The following SLC14A2 variants were observed in gnomAD, a reference collection of about 807,000 sequenced individuals.
SLC14A2 encodes solute carrier family 14 member 2.
In SLC14A2, 91 loss-of-function variants were observed where a neutral mutation model predicts 104.6. The ratio of observed to expected loss-of-function variants is 0.87; its 90% confidence interval spans 0.73 to 1.04. SLC14A2 has a LOEUF of 1.04. SLC14A2 is among the 50% of genes least tolerant of loss of function. The pLI, the probability that SLC14A2 is intolerant of heterozygous loss-of-function variation, is 0.00. For missense variants in SLC14A2, 1,189 were observed against 1,156.0 expected, an observed-to-expected ratio of 1.03 and a Z score of -0.41; for synonymous variants, 476 against 466.4, an observed-to-expected ratio of 1.02 and a Z score of -0.27.
upstream of SLC14A2, among the ~76,000 whole-genome samples, chr18:45,208,854 A>G (rs1416436479): frequency 6.6e-6 from 1 of 152,044 alleles, no homozygotes; most frequent in East Asian, 1.9e-4. Flanking sequence ...ATATGGTAGT[A>G]TTATGGAATG....
At chr18:45,534,388 C>T (rs528952600) in intron 2 of SLC14A2, among the ~76,000 whole-genome samples, 19 of 152,196 alleles carry the variant, frequency 1.2e-4, no homozygotes, top group South Asian at 2.1e-4. Context: ...GGTACAGACG[C>T]GACATGCCTG....
At chr18:45,314,774 G>A (rs1471367542) in intron 1 of SLC14A2, among the ~76,000 whole-genome samples, 3 of 152,196 alleles carry the variant, frequency 2.0e-5, no homozygotes, top group Non-Finnish European at 4.4e-5. Context: ...GAAGTCTGGG[G>A]AAAATTAATA....
intron 6 of SLC14A2, among the ~76,000 whole-genome samples, chr18:45,638,446 T>A (rs2045461204): frequency 6.6e-6 from 1 of 152,080 alleles, no homozygotes; most frequent in Non-Finnish European, 1.5e-5. Flanking sequence ...AGTACAAAAT[T>A]TGGTCCAAAG....
chr18:45,578,886 C>G (rs2044451281), intron 2 of SLC14A2, among the ~76,000 whole-genome samples: 1 of 152,184 alleles, frequency 6.6e-6, no homozygotes, highest in Admixed American at 6.5e-5. Flanking sequence ...TGGGGGCTGG[C>G]TGGTCTAGGA....
At chr18:45,547,628 G>A (rs529559391) in intron 2 of SLC14A2, among the ~76,000 whole-genome samples, 1 of 152,282 alleles carries the variant, frequency 6.6e-6, no homozygotes, top group African/African-American at 2.4e-5. Context: ...ACCGCCTTGT[G>A]ATCTTGGGCT....
chr18:45,401,133 G>A (rs2086091476), intron 1 of SLC14A2, among the ~76,000 whole-genome samples: 1 of 152,100 alleles, frequency 6.6e-6, no homozygotes. Flanking sequence ...CCTCATTTCT[G>A]TTAGGTCTTC....
intron 1 of SLC14A2, among the ~76,000 whole-genome samples, chr18:45,394,068 C>A (rs1444316860): frequency 4.6e-5 from 7 of 152,202 alleles, no homozygotes; most frequent in African/African-American, 1.7e-4. Context: ...ATTTTATTTG[C>A]CCTCTTAAAG....
At chr18:45,226,297 G>C (rs1240666658) in intron 1 of SLC14A2, among the ~76,000 whole-genome samples, 1 of 152,140 alleles carries the variant, frequency 6.6e-6, no homozygotes, top group African/African-American at 2.4e-5. Flanking sequence ...AATACCATTT[G>C]ACCCAGCCAT....
chr18:45,209,809 T>C (rs768979508), upstream of SLC14A2, among the ~76,000 whole-genome samples: 1 of 152,254 alleles, frequency 6.6e-6, no homozygotes, highest in African/African-American at 2.4e-5. Context: ...TGCTCTCTTA[T>C]TGAGGCAATA....
chr18:45,214,775 C>A (rs2083993208), intron 1 of SLC14A2, among the ~76,000 whole-genome samples: 1 of 152,122 alleles, frequency 6.6e-6, no homozygotes, highest in South Asian at 2.1e-4. Context: ...GTGTCTATAA[C>A]ATGTCATCAT....
At chr18:45,522,359 G>A (rs772112787) in intron 2 of SLC14A2, among the ~76,000 whole-genome samples, 18 of 152,220 alleles carry the variant, frequency 1.2e-4, no homozygotes, top group Non-Finnish European at 2.1e-4. Context: ...TAATAAACTC[G>A]AGAAGGTAAC....
intron 16 of SLC14A2, among the ~76,000 whole-genome samples, chr18:45,671,775 A>G (rs1387521982): frequency 6.6e-6 from 1 of 152,184 alleles, no homozygotes; most frequent in East Asian, 1.9e-4. Flanking sequence ...AGAGTTCTCT[A>G]GAGAAGAGCG....
chr18:45,667,793 A>G (rs2144633777), intron 13 of SLC14A2, 40 bp from the exon 14 acceptor site: 1 of 1,572,744 alleles, frequency 6.4e-7, no homozygotes, highest in Non-Finnish European at 8.7e-7. Context: ...GGCTGCCCAC[A>G]CTGAGCACTT....
At chr18:45,367,680 G>A (rs940304456) in intron 1 of SLC14A2, among the ~76,000 whole-genome samples, 6 of 152,120 alleles carry the variant, frequency 3.9e-5, no homozygotes, top group Non-Finnish European at 1.5e-5. Flanking sequence ...CACATTGGTA[G>A]CTTAATATTG....
intron 1 of SLC14A2, among the ~76,000 whole-genome samples, chr18:45,285,192 A>T (rs1032675145): frequency 6.6e-6 from 1 of 152,146 alleles, no homozygotes. Flanking sequence ...ACTATAGAGG[A>T]TCTATATTGG....
At chr18:45,398,566 A>G (rs1002576197) in intron 1 of SLC14A2, among the ~76,000 whole-genome samples, 47 of 145,870 alleles carry the variant, frequency 3.2e-4, no homozygotes, top group African/African-American at 1.2e-3. Flanking sequence ...TGACAGATGA[A>G]TGGATAAACA....
intron 2 of SLC14A2, among the ~76,000 whole-genome samples, chr18:45,543,867 C>A (rs1020396888): frequency 2.0e-5 from 3 of 152,324 alleles, no homozygotes; most frequent in Non-Finnish European, 2.9e-5. Context: ...GTACAAACCA[C>A]GTGGTTTATG....
At chr18:45,388,629 C>T (rs1217841697) in intron 1 of SLC14A2, among the ~76,000 whole-genome samples, 3 of 152,130 alleles carry the variant, frequency 2.0e-5, no homozygotes, top group Admixed American at 6.5e-5. Flanking sequence ...TCCTTTCTCT[C>T]TGCCACCCGC....
intron 1 of SLC14A2, among the ~76,000 whole-genome samples, chr18:45,453,199 G>A (rs1386065648): frequency 6.6e-6 from 1 of 152,036 alleles, no homozygotes; most frequent in African/African-American, 2.4e-5. Context: ...AAATTCCAAG[G>A]TCCCACTAGC....
Sources: gnomAD v4.1 joint callset for allele counts (sites outside exome capture counted in the v4.1 genomes callset) on GRCh38, gnomAD v4.1.1 for gene constraint, MANE v1.5 for transcripts, NCBI Gene and HGNC (gene_info 2026-07-23, HGNC 2026-07-21) for gene names.